The following CNTNAP2 variants were observed in gnomAD, a reference collection of about 807,000 sequenced individuals.
CNTNAP2 encodes contactin associated protein 2.
In CNTNAP2, 98 loss-of-function variants were observed where a neutral mutation model predicts 155.2. That is an observed-to-expected ratio of 0.63 (90% CI 0.54 to 0.75). The LOEUF is 0.75. Among genes scored for constraint, CNTNAP2 ranks in the 30% least tolerant of loss-of-function variants. The pLI is 0.00. For missense variants in CNTNAP2, 1,727 were observed against 1,688.1 expected (o/e 1.02, Z -0.40); for synonymous variants, 651 against 631.2 (o/e 1.03, Z -0.47).
chr7:146,320,096 G>A (rs1383040304), intron 1 of CNTNAP2, among the ~76,000 whole-genome samples: 1 of 150,950 alleles, frequency 6.6e-6, no homozygotes, highest in Non-Finnish European at 1.5e-5. Context: ...CATTACTGCA[G>A]CAAAAAAAGA....
intron 6 of CNTNAP2, among the ~76,000 whole-genome samples, chr7:147,124,479 TGGTTGATTTC>T (rs1801192234): frequency 6.6e-6 from 1 of 152,202 alleles, no homozygotes; most frequent in African/African-American, 2.4e-5. Context: ...TTTCCCACCA[TGGTTGATTTC>T]ATGCTACCAT....
At chr7:146,151,712 A>G (rs1405046991) in intron 1 of CNTNAP2, among the ~76,000 whole-genome samples, 7 of 95,724 alleles carry the variant, frequency 7.3e-5, no homozygotes, top group African/African-American at 3.0e-4. Flanking sequence ...ATATATATAT[A>G]TGTATATATA....
At chr7:146,582,766 G>A (rs1798630658) in intron 1 of CNTNAP2, among the ~76,000 whole-genome samples, 3 of 151,842 alleles carry the variant, frequency 2.0e-5, no homozygotes, top group Admixed American at 2.0e-4. Flanking sequence ...TAAAGAATAA[G>A]GCACAATGAA....
intron 11 of CNTNAP2, among the ~76,000 whole-genome samples, chr7:147,541,094 C>A (rs1799631021): frequency 6.6e-6 from 1 of 152,156 alleles, no homozygotes; most frequent in Admixed American, 6.5e-5. Context: ...ACATCTACTT[C>A]TTTTAAAAAT....
intron 1 of CNTNAP2, among the ~76,000 whole-genome samples, chr7:146,236,979 G>A (rs972051535): frequency 7.9e-5 from 12 of 152,076 alleles, no homozygotes; most frequent in African/African-American, 2.7e-4. Context: ...GAGGGGCTTC[G>A]TTTCTGTATT....
chr7:148,379,375 GA>G (rs1799001256), intron 21 of CNTNAP2, among the ~76,000 whole-genome samples: 4 of 151,956 alleles, frequency 2.6e-5, no homozygotes. Flanking sequence ...AATCTCAAAG[GA>G]AAAGAAGAAA....
At chr7:148,352,912 A>G (rs1379918073) in intron 21 of CNTNAP2, among the ~76,000 whole-genome samples, 1 of 152,166 alleles carries the variant, frequency 6.6e-6, no homozygotes, top group Non-Finnish European at 1.5e-5. Flanking sequence ...ACCTTTCCCC[A>G]AAGTCCCCTG....
intron 2 of CNTNAP2, among the ~76,000 whole-genome samples, chr7:146,800,714 G>T (rs1194945900): frequency 2.0e-5 from 3 of 152,094 alleles, no homozygotes; most frequent in African/African-American, 4.8e-5. Flanking sequence ...AATGTAAGGA[G>T]AATTCTCACA....
intron 15 of CNTNAP2, among the ~76,000 whole-genome samples, chr7:148,040,847 T>G (rs1294316433): frequency 6.6e-6 from 1 of 151,988 alleles, no homozygotes; most frequent in Non-Finnish European, 1.5e-5. Context: ...GCAAATTTTT[T>G]TTTTTAAGAG....
chr7:146,616,559 A>G (rs753731584), intron 1 of CNTNAP2, among the ~76,000 whole-genome samples: 10 of 152,098 alleles, frequency 6.6e-5, no homozygotes, highest in Non-Finnish European at 1.5e-4. Flanking sequence ...GATTTGGTTT[A>G]TTACTCATTA....
At chr7:146,162,835 G>C (rs996091999) in intron 1 of CNTNAP2, among the ~76,000 whole-genome samples, 1 of 152,168 alleles carries the variant, frequency 6.6e-6, no homozygotes, top group Non-Finnish European at 1.5e-5. Context: ...CCATAAAAAA[G>C]GATGAGTTCA....
At chr7:147,393,787 A>C (rs982141855) in intron 9 of CNTNAP2, among the ~76,000 whole-genome samples, 1 of 151,976 alleles carries the variant, frequency 6.6e-6, no homozygotes, top group Non-Finnish European at 1.5e-5. Context: ...GATTTTTTTT[A>C]AGTCAAGAAG....
intron 13 of CNTNAP2, among the ~76,000 whole-genome samples, chr7:147,814,204 A>G (rs1798230400): frequency 6.6e-6 from 1 of 152,194 alleles, no homozygotes. Flanking sequence ...TCTGATATTA[A>G]ATATGGGTGT....
chr7:146,854,767 T>C (rs1794944951), intron 3 of CNTNAP2, among the ~76,000 whole-genome samples: 1 of 152,102 alleles, frequency 6.6e-6, no homozygotes, highest in Non-Finnish European at 1.5e-5. Flanking sequence ...AAGAAATGAA[T>C]GTATATGAAA....
chr7:146,668,427 CCTGTGTGTGT>C (rs1178712224), intron 1 of CNTNAP2, among the ~76,000 whole-genome samples: 8 of 101,168 alleles, frequency 7.9e-5, no homozygotes, highest in African/African-American at 3.0e-4. Context: ...CTGTAATTTT[CCTGTGTGTGT>C]GTGTGTGTGT....
chr7:146,837,014 A>G (rs1803631054), intron 2 of CNTNAP2, among the ~76,000 whole-genome samples: 2 of 152,140 alleles, frequency 1.3e-5, no homozygotes, highest in Non-Finnish European at 2.9e-5. Context: ...TCTCTTTAGC[A>G]TCGTCTTTCA....
At chr7:146,378,960 G>C (rs889265910) in intron 1 of CNTNAP2, among the ~76,000 whole-genome samples, 1 of 152,198 alleles carries the variant, frequency 6.6e-6, no homozygotes, top group African/African-American at 2.4e-5. Flanking sequence ...AATAACTCAA[G>C]AATTACTGTG....
At chr7:147,333,285 T>C (rs773638347) in intron 9 of CNTNAP2, among the ~76,000 whole-genome samples, 1 of 152,196 alleles carries the variant, frequency 6.6e-6, no homozygotes, top group African/African-American at 2.4e-5. Flanking sequence ...GTGAGAACTC[T>C]CGGCGTTCTG....
intron 13 of CNTNAP2, among the ~76,000 whole-genome samples, chr7:147,848,199 G>A (rs1176705696): frequency 4.2e-5 from 6 of 142,394 alleles, no homozygotes; most frequent in East Asian, 2.1e-4. Flanking sequence ...CCCCAGCCTC[G>A]TTGCCGCCTT....
Sources: gnomAD v4.1 joint callset for allele counts (sites outside exome capture counted in the v4.1 genomes callset) on GRCh38, gnomAD v4.1.1 for gene constraint, MANE v1.5 for transcripts, NCBI Gene and HGNC (gene_info 2026-07-23, HGNC 2026-07-21) for gene names.